Variants in B4GALNT4 observed in about 807,000 individuals in gnomAD.
B4GALNT4 encodes N-acetyl-beta-glucosaminyl-glycoprotein 4-beta-N-acetylgalactosaminyltransferase 1.
B4GALNT4 carries 77 observed loss-of-function variants against 110.0 expected under a neutral mutation model. That is an observed-to-expected ratio of 0.70 (90% confidence interval 0.58 to 0.85). The LOEUF is 0.85. B4GALNT4 is among the 40% of genes least tolerant of loss of function. The probability of loss-of-function intolerance (pLI) is 0.00; values close to 1 mark genes in which losing one functional copy is unlikely to be tolerated. For synonymous variants in B4GALNT4, 785 were observed against 655.5 expected (o/e 1.20, Z -3.02); for missense variants, 1,575 against 1,506.0 (o/e 1.05, Z -0.76).
Position 372,806 on chromosome 11 carries a change from G to C in B4GALNT4, c.349-46G>C, listed in dbSNP as rs201405912. 2.4e-3 allele frequency: 3,613 copies of C among 1,526,078 alleles called. 72 individuals are homozygous for C. In the African/African-American group the frequency reaches 0.043, roughly 18 times the overall value. 94.5% of individuals were successfully genotyped at this position (1,526,078 alleles called of 1,614,324 possible). A position where few individuals can be genotyped will look rare whatever the true frequency, so the allele number is the denominator to read the frequency against. On this transcript the variant is annotated intron_variant, in intron 3 of 19. Transcript: ENST00000329962. Reference sequence around the variant, plus strand: ...TGGGAGGCAGGGCGGGGGCTGGGGCGGGGGGGCGGCGGGCCGTGCAGAAGG... The same window carrying C: ...TGGGAGGCAGGGCGGGGGCTGGGGCCGGGGGGCGGCGGGCCGTGCAGAAGG...
chr11:381,861 G>T lies in B4GALNT4; in HGVS notation c.*69G>T. 1 of 1,457,718 alleles carries T rather than the reference G, an allele frequency of 6.9e-7. No homozygotes were observed. The highest frequency in any genetic ancestry group is 1.4e-5 in the South Asian group (1 of 73,468). The allele number at this position is 1,457,718 out of a possible 1,614,324, so 90.3% of individuals were successfully genotyped here. A position where few individuals can be genotyped will look rare whatever the true frequency, so the allele number is the denominator to read the frequency against. On this transcript the variant is annotated 3_prime_UTR_variant, in exon 20 of 20. Coordinates refer to ENST00000329962, the MANE Select transcript of B4GALNT4 (RefSeq NM_178537.5). ...CTGCTGGGGGCTGGGCTTTGAGCTC[G>T]GTCCCGAGAGACCCGGCAGGGCTGG...
chr11:369,794 G>C lies in B4GALNT4; in HGVS notation c.-10G>C. The C allele has an allele frequency of 1.2e-5, 12 of 979,088 alleles. No individual in the cohort carries two copies. The highest frequency in any genetic ancestry group is 1.5e-5 in the Non-Finnish European group (12 of 827,274). The allele number at this position is 979,088 out of a possible 1,614,324, so 60.7% of individuals were successfully genotyped here. A position where few individuals can be genotyped will look rare whatever the true frequency, so the allele number is the denominator to read the frequency against. The stretch of plus-strand genomic sequence containing the variant: ...GCTGAGCGCGGCCTGGGGCGGGCGC[G>C]GCGGCCGCGATGCCGCGGCTCCCGG... On this transcript the variant is annotated 5_prime_UTR_variant, in exon 1 of 20. Coordinates refer to ENST00000329962, the MANE Select transcript of B4GALNT4 (RefSeq NM_178537.5).
rs1382931145 is a variant in B4GALNT4 at position 372,729 on chromosome 11, A to G, written c.323A>G (p.His108Arg). ...GGGAGGCTGCCACTGAACTTCACCC[A>G]TCAGACACCCCCATGGCGGGAGGAG... is the stretch of plus-strand genomic sequence containing the variant. ...GAGRLPLNFT[H>R]QTPPWREEYK... The change falls in exon 3 of 20, where the codon CAT becomes CGT. Residue 108 changes from histidine to arginine, a missense_variant. Physicochemically the swap from His to Arg is conservative, Grantham distance 29. Transcript: ENST00000329962. 5 of 1,606,568 alleles carry G rather than the reference A, an allele frequency of 3.1e-6. No individual in the cohort carries two copies. Among genetic ancestry groups the G allele is most frequent in the African/African-American group, 1.4e-5 (1 of 73,516 alleles).
At chr11:372,045 G>A in intron 1 of B4GALNT4, 64 bp from the exon 2 acceptor site, 1 of 1,379,140 alleles carries the variant, frequency 7.3e-7, no homozygotes, top group Non-Finnish European at 1.0e-6. Flanking sequence ...GCTGAACCCA[G>A]CAGCAGGCAG....
At position 381,906 on chromosome 11, in the gene B4GALNT4, G is replaced by A. The variant is rs1476857514; in HGVS notation, c.*114G>A. The A allele has an allele frequency of 2.5e-5, 31 of 1,251,114 alleles. 1 individual carries two copies. The South Asian group carries it at 3.0e-4, about 12-fold the overall frequency. The allele number at this position is 1,251,114 out of a possible 1,614,324, so 77.5% of individuals were successfully genotyped here. On this transcript the variant is annotated 3_prime_UTR_variant, in exon 20 of 20. Transcript: ENST00000329962. ...GGCTGGTCAGAGGGGCACAGCCACCGCCTGTGCCTGCCCCTCTCTGGCCCA... is the reference window on the plus strand; with the variant it reads ...GGCTGGTCAGAGGGGCACAGCCACCACCTGTGCCTGCCCCTCTCTGGCCCA...
At position 381,748 on chromosome 11, in the gene B4GALNT4, T is replaced by G. The variant is rs1273893141; in HGVS notation, c.3076T>G (p.Trp1026Gly). 2 of 1,588,904 alleles carry G rather than the reference T, an allele frequency of 1.3e-6. No homozygotes were observed. Among genetic ancestry groups the G allele is most frequent in the Admixed American group, 3.7e-5 (2 of 54,642 alleles). Residue 1026 changes from tryptophan to glycine, a missense_variant, in exon 20 of 20, where the codon TGG becomes GGG. By Grantham distance (184) the Trp-to-Gly change is radical (BLOSUM62 -2). Transcript: ENST00000329962. ...CCACTACCACTCCAAGAGGGGCATGTGGAGCGTCCGCAGCAGGAAGGGCTC... is the reference window on the plus strand; with the variant it reads ...CCACTACCACTCCAAGAGGGGCATGGGGAGCGTCCGCAGCAGGAAGGGCTC... Reference protein sequence around the residue: ...YHHYHSKRGMWSVRSRKGSRT... With the variant: ...YHHYHSKRGMGSVRSRKGSRT...
At position 378,241 on chromosome 11, in the gene B4GALNT4, T is replaced by C. The variant is rs11600675; in HGVS notation, c.2204+914T>C. Among the ~76,000 whole-genome samples the C allele has an allele frequency of 8.2e-3, 1,255 of 152,304 alleles. 6 individuals carry two copies. The highest frequency in any genetic ancestry group is 0.014 in the Middle Eastern group (4 of 294). On this transcript the variant is annotated intron_variant, in intron 14 of 19. Transcript: ENST00000329962. ...TGGAAGGTTGCGAGCAGAGCAGGAA[T>C]TCCACCGGTTTGGGTGCAGACAGGT...
rs772330534 is a variant in B4GALNT4 at position 376,129 on chromosome 11, C to G, written c.1151C>G (p.Thr384Arg). 2.5e-6 allele frequency: 4 copies of G among 1,607,756 alleles called. No individual in the cohort carries two copies. The highest frequency in any genetic ancestry group is 3.4e-6 in the Non-Finnish European group (4 of 1,177,690). Residue 384 changes from threonine (T) to arginine (R), a missense_variant, in exon 12 of 20, where the codon ACG (threonine) becomes AGG (arginine). Physicochemically the swap from Thr to Arg is moderately conservative, Grantham distance 71. Transcript: ENST00000329962. ...TACACTCGCCTCACCCACATGGAGA[C>G]GGACAACAAGTGCTTCTACCGCGAG... is the stretch of plus-strand genomic sequence containing the variant. ...NDYTRLTHME[T>R]DNKCFYRESP...
At position 380,130 on chromosome 11, in the gene B4GALNT4, G is replaced by C; in HGVS notation, c.2643G>C (p.Arg881=). ...ERALRAARLP[R]YQYLRRTGNF... Reference sequence around the variant, plus strand: ...CGTGCCTGTGACTCGCCCTCCCCAGGTACCAGTACCTGAGACGAACCGGGA... The same window carrying C: ...CGTGCCTGTGACTCGCCCTCCCCAGCTACCAGTACCTGAGACGAACCGGGA... The change falls in exon 17 of 20, where the codon CGG becomes CGC. Residue 881 remains arginine, a splice_region_variant and synonymous_variant. Transcript: ENST00000329962. 6.2e-7 allele frequency: 1 copy of C among 1,602,226 alleles called. No homozygotes were observed. The highest frequency in any genetic ancestry group is 1.3e-5 in the African/African-American group (1 of 74,822).
chr11:377,234 G>A lies in B4GALNT4; in HGVS notation c.2111G>A (p.Arg704Gln), dbSNP rs758763240. Residue 704 changes from arginine (R) to glutamine (Q), a missense_variant, in exon 14 of 20, where the codon CGA becomes CAA. Physicochemically the swap from Arg to Gln is conservative, Grantham distance 43. Transcript: ENST00000329962. The part of the protein sequence containing the change: ...ELLRSDWNDL[R>Q]CNVSGNLQLP... The stretch of plus-strand genomic sequence containing the variant: ...CTGCGCTCGGACTGGAACGACCTGC[G>A]ATGCAACGTTTCGGGGAACCTGCAG... 4.4e-6 allele frequency: 7 copies of A among 1,598,166 alleles called. No homozygotes were observed. The South Asian group carries it at 6.8e-5, about 15-fold the overall frequency.
In B4GALNT4 at chr11:376,781, T is replaced by C; in HGVS notation, c.1658T>C (p.Val553Ala). The change falls in exon 14 of 20, where the codon GTC (valine) becomes GCC (alanine). Residue 553 changes from valine (V) to alanine (A), a missense_variant. Coordinates refer to ENST00000329962, the MANE Select transcript of B4GALNT4 (RefSeq NM_178537.5). ...PRAPWPPFPGVFLHPRPLPRV... is the reference protein window; with the variant it reads ...PRAPWPPFPGAFLHPRPLPRV... ...GCGCCCTGGCCGCCCTTCCCTGGCGTCTTCCTGCACCCCAGGCCTCTGCCC... is the reference window on the plus strand; with the variant it reads ...GCGCCCTGGCCGCCCTTCCCTGGCGCCTTCCTGCACCCCAGGCCTCTGCCC... The C allele has an allele frequency of 7.2e-7, 1 of 1,386,400 alleles. No homozygotes were observed. The highest frequency in any genetic ancestry group is 3.3e-5 in the Admixed American group (1 of 30,722). 85.9% of individuals were successfully genotyped at this position (1,386,400 alleles called of 1,614,324 possible).
chr11:372,362 G>A (rs1846632443), intron 2 of B4GALNT4, 150 bp downstream of exon 2: 2 of 766,324 alleles, frequency 2.6e-6, no homozygotes, highest in African/African-American at 3.5e-5. Flanking sequence ...GCTTGTCTGT[G>A]TGAGCTCCAG....
intron 14 of B4GALNT4, among the ~76,000 whole-genome samples, 194 bp downstream of exon 14, chr11:377,521 C>T (rs1362651243): frequency 6.6e-6 from 1 of 152,166 alleles, no homozygotes; most frequent in Non-Finnish European, 1.5e-5. Context: ...CCTGACTGCC[C>T]GGGCACTTGT....
rs756954644 is a variant in B4GALNT4 at position 377,338 on chromosome 11, G to A, written c.2204+11G>A. On this transcript the variant is annotated intron_variant, in intron 14 of 19. Transcript: ENST00000329962. ...CGCGCGCCACGGCGGGTATGGGGGC[G>A]GCCGAACGCGCGCCAGGGCGGTTTT... is the stretch of plus-strand genomic sequence containing the variant. 6 of 1,499,166 alleles carry A rather than the reference G, an allele frequency of 4.0e-6. No homozygotes were observed. The highest frequency in any genetic ancestry group is 2.6e-5 in the East Asian group (1 of 39,022). The allele number at this position is 1,499,166 out of a possible 1,614,324, so 92.9% of individuals were successfully genotyped here. A position where few individuals can be genotyped will look rare whatever the true frequency, so the allele number is the denominator to read the frequency against.
At position 379,594 on chromosome 11, in the gene B4GALNT4, C is replaced by T. The variant is rs1846828741; in HGVS notation, c.2381C>T (p.Pro794Leu). 2 of 1,575,408 alleles carry T rather than the reference C, an allele frequency of 1.3e-6. No homozygotes were observed. The highest frequency in any genetic ancestry group is 1.8e-5 in the Admixed American group (1 of 54,396). Residue 794 changes from proline to leucine, a missense_variant, in exon 15 of 20, where the codon CCC (proline) becomes CTC (leucine). Pro to Leu is a moderately conservative substitution (Grantham distance 98). Transcript: ENST00000329962. The part of the protein sequence containing the change: ...ARVGDADGES[P>L]EPAPAASVRP... ...GTAGGGGATGCAGACGGAGAAAGTC[C>T]CGAACCCGCTCCCGCCGCCTCCGTG...
intron 11 of B4GALNT4, 49 bp downstream of exon 11, chr11:376,005 T>G (rs1846739510): frequency 6.2e-7 from 1 of 1,605,092 alleles, no homozygotes; most frequent in Non-Finnish European, 8.5e-7. Context: ...CCGCGGAGCC[T>G]TCTCCAGCCC....
Position 373,419 on chromosome 11 carries a change from C to CCCCCA in B4GALNT4, c.637-30_637-29insCCCCA, listed in dbSNP as rs10624593. On this transcript the variant is annotated intron_variant, in intron 6 of 19. Coordinates refer to ENST00000329962, the MANE Select transcript of B4GALNT4 (RefSeq NM_178537.5). ...CAGGGAGAGAGTGAACCCCCCCCCC[C>CCCCCA]ACCACCACCCCTGCTCTATCACCCC... The CCCCCA allele has an allele frequency of 1.1e-4, 116 of 1,084,196 alleles. 16 individuals carry two copies. Among genetic ancestry groups the CCCCCA allele is most frequent in the East Asian group, 2.6e-4 (10 of 37,984 alleles). 67.2% of individuals were successfully genotyped at this position (1,084,196 alleles called of 1,614,324 possible). A position where few individuals can be genotyped will look rare whatever the true frequency, so the allele number is the denominator to read the frequency against.
Position 372,147 on chromosome 11 carries a change from G to A in B4GALNT4, c.190G>A (p.Val64Ile), listed in dbSNP as rs781080983. 5.2e-5 allele frequency: 81 copies of A among 1,549,770 alleles called. No homozygotes were observed. Among genetic ancestry groups the A allele is most frequent in the Non-Finnish European group, 6.7e-5 (77 of 1,146,824 alleles). The change falls in exon 2 of 20, where the codon GTC becomes ATC. Residue 64 changes from valine to isoleucine, a missense_variant. By Grantham distance (29) the Val-to-Ile change is conservative (BLOSUM62 3). Coordinates refer to ENST00000329962, the MANE Select transcript of B4GALNT4 (RefSeq NM_178537.5). ...KLTSETDGRG[V>I]HAAPSTQRAE... ...GACCAGTGAGACCGACGGCCGGGGGGTCCACGCTGCGCCATCCACACAGAG... is the reference window on the plus strand; with the variant it reads ...GACCAGTGAGACCGACGGCCGGGGGATCCACGCTGCGCCATCCACACAGAG...
chr11:373,038 G>T lies in B4GALNT4; in HGVS notation c.457G>T (p.Val153Leu). Residue 153 changes from valine (V) to leucine (L), a missense_variant, in exon 5 of 20, where the codon GTG becomes TTG. Physicochemically the swap from Val to Leu is conservative, Grantham distance 32 (BLOSUM62 1). Coordinates refer to ENST00000329962, the MANE Select transcript of B4GALNT4 (RefSeq NM_178537.5). ...FPLFPHTRTT[V>L]KKLAVSPKWK... ...ACTGCCCCCCCAGACGCGCACCACC[G>T]TGAAGAAGTTGGCCGTGTCCCCCAA... 6.2e-7 allele frequency: 1 copy of T among 1,612,530 alleles called. No homozygotes were observed. Among genetic ancestry groups the T allele is most frequent in the Non-Finnish European group, 8.5e-7 (1 of 1,179,878 alleles).
Sources: allele counts gnomAD v4.1 joint callset (sites outside exome capture counted in the v4.1 genomes callset), GRCh38; gene constraint gnomAD v4.1.1; transcripts MANE v1.5; gene names NCBI Gene and HGNC (gene_info 2026-07-23, HGNC 2026-07-21).